Variants in INPP5B observed in about 807,000 individuals in gnomAD.
The protein encoded by INPP5B is inositol polyphosphate-5-phosphatase B.
INPP5B carries 90 observed loss-of-function variants against 118.5 expected under a neutral mutation model. The observed-to-expected ratio is 0.76, with a 90% confidence interval of 0.64 to 0.90. The LOEUF (loss-of-function observed/expected upper bound fraction) is 0.90, where lower values mean the gene tolerates loss of function less well. Ranked by LOEUF, INPP5B falls within the 40% of genes least tolerant of loss-of-function variation. The pLI, the probability that INPP5B is intolerant of heterozygous loss-of-function variation, is 0.00. For synonymous variants in INPP5B, 385 were observed against 418.9 expected, an observed-to-expected ratio of 0.92 and a Z score of 0.99; for missense variants, 984 against 1,125.6, an observed-to-expected ratio of 0.87 and a Z score of 1.80.
chr1:37,878,825 AT>A (rs1643004785), intron 15 of INPP5B, among the ~76,000 whole-genome samples: 1 of 151,256 alleles, frequency 6.6e-6, no homozygotes, highest in Admixed American at 6.6e-5. Flanking sequence ...AATTTTTTGT[AT>A]TTTAGTAGAG....
chr1:37,876,921 C>A (rs937548649), intron 16 of INPP5B, among the ~76,000 whole-genome samples: 2 of 151,464 alleles, frequency 1.3e-5, no homozygotes, highest in Admixed American at 1.3e-4. Context: ...CACATACAGG[C>A]ATGCCTGTAA....
intron 7 of INPP5B, among the ~76,000 whole-genome samples, chr1:37,922,640 G>A (rs1008510212): frequency 6.6e-6 from 1 of 152,128 alleles, no homozygotes; most frequent in Non-Finnish European, 1.5e-5. Flanking sequence ...AGCTTGCAGT[G>A]AGCCAAGATC....
rs1386049537 is a variant in INPP5B at position 37,878,184 on chromosome 1, C to G, written c.1677+4G>C. On this transcript the variant is annotated splice_donor_region_variant and intron_variant, in intron 16 of 23. Coordinates refer to ENST00000373024, the MANE Select transcript of INPP5B (RefSeq NM_005540.3). Reference sequence around the variant, plus strand: ...GATTACAACAGGTACCAGCTGCCACCTACCCCGATGTCAAACACTGAGCTG... The same window carrying G: ...GATTACAACAGGTACCAGCTGCCACGTACCCCGATGTCAAACACTGAGCTG... 1.2e-6 allele frequency: 2 copies of G among 1,613,804 alleles called. No individual in the cohort carries two copies. The highest frequency in any genetic ancestry group is 1.7e-6 in the Non-Finnish European group (2 of 1,179,906).
intron 23 of INPP5B, among the ~76,000 whole-genome samples, chr1:37,862,981 G>A (rs920348879): frequency 2.0e-5 from 3 of 152,200 alleles, no homozygotes; most frequent in African/African-American, 7.2e-5. Context: ...TTGGTGTCCT[G>A]CCTCTCTGGT....
intron 6 of INPP5B, among the ~76,000 whole-genome samples, chr1:37,937,768 AAAAAT>A (rs553688886): frequency 2.6e-5 from 4 of 151,622 alleles, no homozygotes; most frequent in South Asian, 2.1e-4. Flanking sequence ...CTTTGTCTCA[AAAAAT>A]AAAATAAAAT....
At chr1:37,939,360 G>A (rs980842681) in intron 6 of INPP5B, among the ~76,000 whole-genome samples, 28 of 151,332 alleles carry the variant, frequency 1.9e-4, no homozygotes, top group African/African-American at 6.3e-4. Context: ...GCAAAACTCC[G>A]TCTCAAAAAA....
chr1:37,936,569 C>A (rs547973505), intron 6 of INPP5B, among the ~76,000 whole-genome samples: 1 of 152,138 alleles, frequency 6.6e-6, no homozygotes, highest in South Asian at 2.1e-4. Context: ...TGTAGTGATA[C>A]AAGATCATGC....
chr1:37,915,110 G>T (rs1446502602), intron 7 of INPP5B, among the ~76,000 whole-genome samples: 1 of 152,174 alleles, frequency 6.6e-6, no homozygotes, highest in East Asian at 1.9e-4. Flanking sequence ...ACTGCATATT[G>T]TGTAGAACCA....
At chr1:37,904,280 G>A (rs1334697516) in intron 7 of INPP5B, among the ~76,000 whole-genome samples, 2 of 152,074 alleles carry the variant, frequency 1.3e-5, no homozygotes, top group South Asian at 4.1e-4. Context: ...AGCCGAGATC[G>A]CACCACTGAG....
chr1:37,872,592 A>T (rs1160105001), intron 19 of INPP5B, among the ~76,000 whole-genome samples: 2 of 151,692 alleles, frequency 1.3e-5, no homozygotes, highest in African/African-American at 4.8e-5. Context: ...AGTGAAACCC[A>T]GAGAAAAGCT....
At chr1:37,872,469 T>C (rs1048224375) in intron 19 of INPP5B, among the ~76,000 whole-genome samples, 11 of 151,622 alleles carry the variant, frequency 7.3e-5, no homozygotes, top group Non-Finnish European at 1.6e-4. Context: ...AGAAGTGGCC[T>C]TGTATGCATT....
chr1:37,861,089 A>G lies in INPP5B; in HGVS notation c.*1226T>C, dbSNP rs899035059. ...AGTGATGCTCCCACCTCAGTCTCCC[A>G]AAGTGCCGAGATTACAGGCGTGAGC... is the stretch of plus-strand genomic sequence containing the variant. On this transcript the variant is annotated 3_prime_UTR_variant, in exon 24 of 24. Coordinates refer to ENST00000373024, the MANE Select transcript of INPP5B (RefSeq NM_005540.3). The G allele has an allele frequency of 1.3e-5, 2 of 152,230 alleles. No individual in the cohort carries two copies. The highest frequency in any genetic ancestry group is 2.1e-4 in the South Asian group (1 of 4,832). 9.4% of individuals were successfully genotyped at this position (152,230 alleles called of 1,614,324 possible). A position where few individuals can be genotyped will look rare whatever the true frequency, so the allele number is the denominator to read the frequency against.
At chr1:37,938,606 G>C (rs1334645164) in intron 6 of INPP5B, among the ~76,000 whole-genome samples, 1 of 152,184 alleles carries the variant, frequency 6.6e-6, no homozygotes, top group African/African-American at 2.4e-5. Context: ...TACTGGCAGA[G>C]ATGGGTTTCA....
At chr1:37,911,724 C>T (rs1644706569) in intron 7 of INPP5B, among the ~76,000 whole-genome samples, 1 of 152,156 alleles carries the variant, frequency 6.6e-6, no homozygotes. Context: ...AAAGAGGTTT[C>T]CTCACTACTC....
Position 37,899,499 on chromosome 1 carries a change from T to G in INPP5B, c.533-8045A>C, listed in dbSNP as rs567524307. Among the ~76,000 whole-genome samples the G allele has an allele frequency of 1.7e-4, 26 of 151,794 alleles. No homozygotes were observed. The South Asian group carries it at 5.0e-3, about 29-fold the overall frequency. On this transcript the variant is annotated intron_variant, in intron 7 of 23. Transcript: ENST00000373024. Reference sequence around the variant, plus strand: ...ATCGCTTGAACCTGGGAGGCAGAGGTTGCGGTGAGCCGAGATCGCACCATT... The same window carrying G: ...ATCGCTTGAACCTGGGAGGCAGAGGGTGCGGTGAGCCGAGATCGCACCATT...
intron 7 of INPP5B, among the ~76,000 whole-genome samples, chr1:37,895,933 A>G: frequency 6.6e-6 from 1 of 151,360 alleles, no homozygotes; most frequent in East Asian, 1.9e-4. Context: ...CCCGGCCACC[A>G]CCCCGTCTGG....
At chr1:37,900,586 C>G (rs1644294818) in intron 7 of INPP5B, among the ~76,000 whole-genome samples, 1 of 151,118 alleles carries the variant, frequency 6.6e-6, no homozygotes, top group African/African-American at 2.4e-5. Flanking sequence ...GTCTGGTGTT[C>G]CCACAGATCT....
chr1:37,928,798 A>G (rs1170736571), intron 7 of INPP5B: 2 of 152,208 alleles, frequency 1.3e-5, no homozygotes, highest in African/African-American at 4.8e-5. Context: ...AGCCAAAAAC[A>G]GCATTTTTAA....
In INPP5B at chr1:37,886,992, G is replaced by A. The variant is rs200553283; in HGVS notation, c.1027C>T (p.Arg343Ter). The change falls in exon 12 of 24, where the codon CGA (arginine) becomes TGA (stop). Residue 343 changes from arginine (R) to a stop codon, truncating the protein, a stop_gained. Transcript: ENST00000373024. LOFTEE classifies it high-confidence loss of function. ...AACAGCAGCATAATCCCAACCAGTC[G>A]GATAAGCTTCACCTGGAAAAGAGAG... Reference protein sequence around the residue: ...DAKYAKVKLIRLVGIMLLLYV... With the variant: ...DAKYAKVKLI 138 of 1,613,694 alleles carry A rather than the reference G, an allele frequency of 8.6e-5. No individual in the cohort carries two copies. Among genetic ancestry groups the A allele is most frequent in the Non-Finnish European group, 1.1e-4 (127 of 1,179,784 alleles).
Sources: gnomAD v4.1 joint callset for allele counts (sites outside exome capture counted in the v4.1 genomes callset) on GRCh38, gnomAD v4.1.1 for gene constraint, MANE v1.5 for transcripts, NCBI Gene and HGNC (gene_info 2026-07-23, HGNC 2026-07-21) for gene names.